The following MAP4K4 variants were observed in gnomAD, a reference collection of about 807,000 sequenced individuals.
The protein encoded by MAP4K4 is HPK/GCK-like kinase HGK.
A neutral mutation model predicts 189.6 loss-of-function variants in MAP4K4; 38 were observed. The observed-to-expected ratio is 0.20, with a 90% CI of 0.15 to 0.26. MAP4K4 has a LOEUF of 0.26. MAP4K4 is among the 10% of genes least tolerant of loss of function. The probability of loss-of-function intolerance (pLI) is 1.00; values close to 1 mark genes in which losing one functional copy is unlikely to be tolerated. For synonymous variants in MAP4K4, 610 were observed against 624.3 expected (o/e 0.98, Z 0.34); for missense variants, 1,054 against 1,726.9 (o/e 0.61, Z 6.91).
chr2:101,872,839 A>G (rs2098087463), intron 24 of MAP4K4, among the ~76,000 whole-genome samples: 1 of 152,138 alleles, frequency 6.6e-6, no homozygotes, highest in South Asian at 2.1e-4. Context: ...TATATATCCC[A>G]CCTACACTCA....
intron 3 of MAP4K4, among the ~76,000 whole-genome samples, chr2:101,798,240 A>G (rs562543935): frequency 2.9e-4 from 44 of 152,090 alleles, no homozygotes; most frequent in African/African-American, 1.1e-3. Context: ...TGAAATTTTA[A>G]TAGTACAGAT....
At chr2:101,788,824 C>T (rs1470052888) in intron 2 of MAP4K4, among the ~76,000 whole-genome samples, 1 of 152,006 alleles carries the variant, frequency 6.6e-6, no homozygotes, top group Non-Finnish European at 1.5e-5. Flanking sequence ...GAAGCATAGA[C>T]CATTTTCTGT....
chr2:101,783,998 CT>C (rs2089235466), intron 2 of MAP4K4, among the ~76,000 whole-genome samples: 1 of 152,144 alleles, frequency 6.6e-6, no homozygotes, highest in Non-Finnish European at 1.5e-5. Flanking sequence ...AACCTGTCCC[CT>C]TCTGGGATTT....
chr2:101,773,218 G>A (rs1266196009), intron 2 of MAP4K4, among the ~76,000 whole-genome samples: 5 of 152,200 alleles, frequency 3.3e-5, no homozygotes, highest in African/African-American at 9.7e-5. Context: ...AATCAGTAGA[G>A]ACTCTGAATC....
chr2:101,878,775 C>T (rs1208553548), intron 27 of MAP4K4, among the ~76,000 whole-genome samples: 1 of 152,090 alleles, frequency 6.6e-6, no homozygotes, highest in East Asian at 1.9e-4. Flanking sequence ...ACTTATGATA[C>T]CACCAGTGAT....
intron 3 of MAP4K4, among the ~76,000 whole-genome samples, chr2:101,793,679 G>A (rs2093311147): frequency 6.6e-6 from 1 of 150,970 alleles, no homozygotes; most frequent in Admixed American, 6.6e-5. Flanking sequence ...TTAGGTGAAA[G>A]TGAGAGGCAG....
intron 2 of MAP4K4, among the ~76,000 whole-genome samples, chr2:101,784,290 G>A (rs977504133): frequency 1.7e-3 from 206 of 121,226 alleles, no homozygotes; most frequent in African/African-American, 6.6e-3. Context: ...GTGTGTGTAT[G>A]TGTGTGTGTG....
intron 2 of MAP4K4, among the ~76,000 whole-genome samples, chr2:101,699,267 C>G (rs2036702346): frequency 6.6e-6 from 1 of 152,064 alleles, no homozygotes; most frequent in African/African-American, 2.4e-5. Context: ...ATTTTAACAC[C>G]CACCCTCCAC....
chr2:101,885,648 A>G (rs186434106), intron 29 of MAP4K4, among the ~76,000 whole-genome samples: 27 of 152,352 alleles, frequency 1.8e-4, no homozygotes, highest in East Asian at 3.9e-4. Flanking sequence ...AACTGTGTCT[A>G]TCGGGCAGTT....
At position 101,834,466 on chromosome 2, in the gene MAP4K4, A is replaced by G. The variant is rs756313188; in HGVS notation, c.694+3A>G. On this transcript the variant is annotated splice_donor_region_variant and intron_variant, in intron 8 of 32. Transcript: ENST00000324219. ...TGAGATGGCAGAAGGTGCTCCCCGTAAGTAACTTTCTTTTCTTTTTAGCTC... is the reference window on the plus strand; with the variant it reads ...TGAGATGGCAGAAGGTGCTCCCCGTGAGTAACTTTCTTTTCTTTTTAGCTC... The G allele has an allele frequency of 1.2e-6, 2 of 1,605,610 alleles. No individual in the cohort carries two copies. The highest frequency in any genetic ancestry group is 8.5e-7 in the Non-Finnish European group (1 of 1,175,034).
intron 1 of MAP4K4, 57 bp downstream of exon 1, chr2:101,698,194 G>GCAGCCGC (rs1193731981): frequency 2.1e-5 from 19 of 890,712 alleles, no homozygotes; most frequent in Non-Finnish European, 2.3e-5. Context: ...CCGGCAGCCG[G>GCAGCCGC]GGCCGCGCCC....
intron 3 of MAP4K4, among the ~76,000 whole-genome samples, chr2:101,815,030 G>A (rs1178089246): frequency 1.3e-5 from 2 of 152,208 alleles, no homozygotes; most frequent in South Asian, 2.1e-4. Context: ...CTGTGGAATA[G>A]TTACTAGCCT....
intron 13 of MAP4K4, among the ~76,000 whole-genome samples, chr2:101,857,037 T>C (rs953921729): frequency 7.9e-5 from 12 of 152,228 alleles, no homozygotes; most frequent in African/African-American, 2.9e-4. Flanking sequence ...CATTTAACTG[T>C]GTAGCGCGTG....
intron 14 of MAP4K4, 78 bp downstream of exon 14, chr2:101,859,160 T>G: frequency 7.5e-7 from 1 of 1,341,586 alleles, no homozygotes; most frequent in Non-Finnish European, 1.0e-6. Flanking sequence ...GCTGTGGTGG[T>G]CACCAGACCA....
At chr2:101,794,874 A>T (rs1320280311) in intron 3 of MAP4K4, among the ~76,000 whole-genome samples, 3 of 152,224 alleles carry the variant, frequency 2.0e-5, no homozygotes, top group African/African-American at 7.2e-5. Context: ...TTGTTTTGTA[A>T]AGTATCCTGT....
chr2:101,719,947 G>A (rs2050761812), intron 2 of MAP4K4, among the ~76,000 whole-genome samples: 1 of 152,000 alleles, frequency 6.6e-6, no homozygotes, highest in Non-Finnish European at 1.5e-5. Flanking sequence ...GGGAGGCGGA[G>A]GTTGCAGTGA....
At chr2:101,705,007 C>T (rs2041524737) in intron 2 of MAP4K4, among the ~76,000 whole-genome samples, 1 of 152,202 alleles carries the variant, frequency 6.6e-6, no homozygotes, top group East Asian at 1.9e-4. Context: ...GAAGCTGCCT[C>T]TTGGGTTGAG....
At chr2:101,776,448 A>G (rs1005061045) in intron 2 of MAP4K4, among the ~76,000 whole-genome samples, 5 of 152,062 alleles carry the variant, frequency 3.3e-5, no homozygotes, top group Non-Finnish European at 4.4e-5. Flanking sequence ...TCTTGGGCCT[A>G]GTCTAGAGGC....
chr2:101,855,588 C>A (rs535211792), intron 12 of MAP4K4, among the ~76,000 whole-genome samples: 19 of 152,122 alleles, frequency 1.2e-4, no homozygotes, highest in African/African-American at 4.6e-4. Flanking sequence ...TCTGTCTTTG[C>A]TGTATTTCTA....
Sources: gnomAD v4.1 joint callset for allele counts (sites outside exome capture counted in the v4.1 genomes callset) on GRCh38, gnomAD v4.1.1 for gene constraint, MANE v1.5 for transcripts, NCBI Gene and HGNC (gene_info 2026-07-23, HGNC 2026-07-21) for gene names.